ACIN1: variants seen among roughly 807,000 people sequenced by gnomAD.
ACIN1 encodes the protein apoptotic chromatin condensation inducer in the nucleus.
ACIN1 carries 16 observed loss-of-function variants against 146.6 expected under a neutral mutation model. That is an observed-to-expected ratio of 0.11 (90% CI 0.07 to 0.17). The LOEUF is 0.17. Ranked by LOEUF, ACIN1 falls within the 10% of genes least tolerant of loss-of-function variation. The probability of loss-of-function intolerance (pLI) is 1.00; values close to 1 mark genes in which losing one functional copy is unlikely to be tolerated. For missense variants in ACIN1, 1,357 were observed against 1,609.3 expected (o/e 0.84, Z 2.68); for synonymous variants, 569 against 582.7 (o/e 0.98, Z 0.34).
intron 18 of ACIN1, among the ~76,000 whole-genome samples, 171 bp from the exon 19 acceptor site, chr14:23,059,645 G>C (rs1474275221): frequency 1.4e-5 from 2 of 141,404 alleles, no homozygotes; most frequent in Non-Finnish European, 3.0e-5. Flanking sequence ...CTCCCTCCTA[G>C]TTTCAGCCTT....
chr14:23,069,150 G>A (rs1315146387), intron 9 of ACIN1: 5 of 1,040,108 alleles, frequency 4.8e-6, no homozygotes, highest in South Asian at 8.9e-5. Context: ...GTTACCACCA[G>A]GAGAAGCTTG....
At chr14:23,066,053 C>A (rs2047444115) in intron 9 of ACIN1, 45 bp from the exon 10 acceptor site, 3 of 1,563,234 alleles carry the variant, frequency 1.9e-6, no homozygotes, top group Non-Finnish European at 2.6e-6. Flanking sequence ...AAGAGAGACA[C>A]CCCACAGAGA....
In ACIN1 at chr14:23,079,012, G is replaced by A. The variant is rs973284593; in HGVS notation, c.1815C>T (p.Asp605=). 9 of 1,614,018 alleles carry A rather than the reference G, an allele frequency of 5.6e-6. No homozygotes were observed. The highest frequency in any genetic ancestry group is 1.3e-5 in the African/African-American group (1 of 74,910). Reference sequence around the variant, plus strand: ...TGGTTTCAGTATAGCTGGTGCTGCTGTCCCTGGAGACTCCAGGGCTCAGAG... The same window carrying A: ...TGGTTTCAGTATAGCTGGTGCTGCTATCCCTGGAGACTCCAGGGCTCAGAG... ...RKSLSPGVSR[D]SSTSYTETKD... Residue 605 remains aspartate (D), a synonymous_variant, in exon 7 of 19, where the codon GAC becomes GAT. Transcript: ENST00000605057.
At chr14:23,088,477 TTC>T (rs1163244326) in intron 4 of ACIN1, among the ~76,000 whole-genome samples, 1 of 152,186 alleles carries the variant, frequency 6.6e-6, no homozygotes, top group Non-Finnish European at 1.5e-5. Flanking sequence ...TTTGGAAAAT[TTC>T]TTTCCCACCA....
chr14:23,071,518 A>C, intron 8 of ACIN1: 1 of 1,551,484 alleles, frequency 6.4e-7, no homozygotes, highest in Non-Finnish European at 8.7e-7. Context: ...GTATTGGCGG[A>C]GCGGCAGCGA....
chr14:23,094,843 C>T (rs995371574), intron 1 of ACIN1, 132 bp downstream of exon 1: 6 of 1,330,360 alleles, frequency 4.5e-6, no homozygotes, highest in Non-Finnish European at 6.1e-6. Context: ...ACCGTGCGCG[C>T]GGATCCAGAG....
In ACIN1 at chr14:23,062,532, G is replaced by A; in HGVS notation, c.2884-9C>T. The A allele has an allele frequency of 6.2e-7, 1 of 1,613,086 alleles. No homozygotes were observed. Among genetic ancestry groups the A allele is most frequent in the African/African-American group, 1.3e-5 (1 of 74,996 alleles). ...AAAGTGAAAGGACGGACCTGCCAAT[G>A]AAAATAGACTTTCAGGGTCTAGCAG... is the stretch of plus-strand genomic sequence containing the variant. On this transcript the variant is annotated splice_polypyrimidine_tract_variant and intron_variant, in intron 14 of 18. Coordinates refer to ENST00000605057, the MANE Select transcript of ACIN1 (RefSeq NM_001386863.1).
At position 23,079,773 on chromosome 14, in the gene ACIN1, C is replaced by A. The variant is rs1192339175; in HGVS notation, c.1562G>T (p.Ser521Ile). 3.1e-6 allele frequency: 5 copies of A among 1,614,042 alleles called. No individual in the cohort carries two copies. The highest frequency in any genetic ancestry group is 1.3e-5 in the African/African-American group (1 of 74,896). Residue 521 changes from serine (S) to isoleucine (I), a missense_variant, in exon 6 of 19, where the codon AGC becomes ATC. Coordinates refer to ENST00000605057, the MANE Select transcript of ACIN1 (RefSeq NM_001386863.1). ...RLKQSADSSS[S>I]RSSSSSSSSS... ...GGAGGAGGAAGATGAGGAGGACCGG[C>A]TAGAGGATGAATCAGCTGACTGTTT... is the stretch of plus-strand genomic sequence containing the variant.
intron 5 of ACIN1, among the ~76,000 whole-genome samples, chr14:23,081,166 C>A (rs987961007): frequency 2.6e-5 from 4 of 151,456 alleles, no homozygotes; most frequent in African/African-American, 9.7e-5. Context: ...ATCTTTTTAT[C>A]ATTTTGGTAT....
intron 9 of ACIN1, 52 bp from the exon 10 acceptor site, chr14:23,066,060 G>A: frequency 1.3e-6 from 2 of 1,514,042 alleles, no homozygotes; most frequent in South Asian, 1.1e-5. Flanking sequence ...ACACCCCACA[G>A]AGAGGGGGGA....
intron 14 of ACIN1, 123 bp from the exon 15 acceptor site, chr14:23,062,646 G>C: frequency 2.1e-6 from 2 of 949,164 alleles, no homozygotes; most frequent in Admixed American, 4.2e-5. Flanking sequence ...AGAGAGTTTA[G>C]GAACCTTGCA....
chr14:23,080,967 A>T (rs2047929264), intron 5 of ACIN1, among the ~76,000 whole-genome samples, 158 bp from the exon 6 acceptor site: 1 of 152,210 alleles, frequency 6.6e-6, no homozygotes, highest in Non-Finnish European at 1.5e-5. Context: ...TGACTAACGT[A>T]GCCCTTAGGG....
chr14:23,073,193 T>C (rs550251470), intron 8 of ACIN1, among the ~76,000 whole-genome samples: 134 of 152,238 alleles, frequency 8.8e-4, no homozygotes, highest in Non-Finnish European at 1.8e-3. Flanking sequence ...CTCTGTATAA[T>C]AACTGCTACT....
rs941719 is a variant in ACIN1 at position 23,080,170 on chromosome 14, C to G, written c.1165G>C (p.Ala389Pro). The G allele has an allele frequency of 1, 1,608,578 of 1,614,174 alleles. 801,505 individuals carry two copies. Among genetic ancestry groups the G allele is most frequent in the East Asian group, 1 (44,853 of 44,862 alleles). The change falls in exon 6 of 19, where the codon GCT (alanine) becomes CCT (proline). Residue 389 changes from alanine to proline, a missense_variant. Ala to Pro is a conservative substitution (Grantham distance 27). Around this residue, in one of 4 missense-constraint regions of ACIN1, gnomAD observed 771 missense variants for 746.6 expected, o/e 1.03. Transcript: ENST00000605057. The stretch of plus-strand genomic sequence containing the variant: ...GGAGGAGATAACTGAATGAGGACAG[C>G]GGGGGCTGGGCCTTCCATGGGCTCT... Reference protein sequence around the residue: ...EIEPMEGPAPAVLIQLSPPNT... With the variant: ...EIEPMEGPAPPVLIQLSPPNT...
intron 4 of ACIN1, among the ~76,000 whole-genome samples, chr14:23,089,694 T>C (rs573014631): frequency 1.7e-4 from 26 of 152,220 alleles, no homozygotes; most frequent in African/African-American, 5.3e-4. Context: ...GGTGAAGAGA[T>C]GAAAAAGAGC....
At chr14:23,066,042 A>G (rs1458765480) in intron 9 of ACIN1, 34 bp from the exon 10 acceptor site, 3 of 1,590,638 alleles carry the variant, frequency 1.9e-6, no homozygotes, top group Non-Finnish European at 2.6e-6. Context: ...AAAAAAAGAG[A>G]AAGAGAGACA....
At chr14:23,062,764 CCT>C in intron 14 of ACIN1, 163 bp downstream of exon 14, 1 of 965,696 alleles carries the variant, frequency 1.0e-6, no homozygotes, top group Non-Finnish European at 1.5e-6. Context: ...AGCTTTTCCC[CCT>C]CATTTTTAGA....
At chr14:23,089,959 G>A (rs1354397440) in intron 4 of ACIN1, 23 bp downstream of exon 4, 4 of 1,577,856 alleles carry the variant, frequency 2.5e-6, no homozygotes, top group South Asian at 2.3e-5. Context: ...ACAAAACAGC[G>A]CAGTGGGGAG....
chr14:23,080,901 G>C, intron 5 of ACIN1, 92 bp from the exon 6 acceptor site: 2 of 1,505,768 alleles, frequency 1.3e-6, no homozygotes, highest in Non-Finnish European at 8.8e-7. Flanking sequence ...CTAGGAAGGA[G>C]AAATTCAATG....
Sources: allele counts gnomAD v4.1 joint callset (sites outside exome capture counted in the v4.1 genomes callset), GRCh38; gene constraint gnomAD v4.1.1; regional missense constraint gnomAD v4.1.1; transcripts MANE v1.5; gene names NCBI Gene and HGNC (gene_info 2026-07-23, HGNC 2026-07-21).